Variants in NUDT21 observed in about 807,000 individuals in gnomAD.
NUDT21 encodes cleavage and polyadenylation specificity factor subunit 5.
In NUDT21, 5 loss-of-function variants were observed where a neutral mutation model predicts 29.8. The observed-to-expected ratio is 0.17, with a 90% CI of 0.09 to 0.35. The LOEUF is 0.35. Ranked by LOEUF, NUDT21 falls within the 10% of genes least tolerant of loss-of-function variation. NUDT21 has a pLI of 1.00. For missense variants in NUDT21, 76 were observed against 276.0 expected (o/e 0.28, Z 5.13); for synonymous variants, 113 against 98.5 (o/e 1.15, Z -0.87).
At chr16:56,437,604 C>T (rs184816995) in intron 4 of NUDT21, among the ~76,000 whole-genome samples, 1 of 152,200 alleles carries the variant, frequency 6.6e-6, no homozygotes, top group South Asian at 2.1e-4. Flanking sequence ...GGAGTTCATG[C>T]AACCCTTATC....
At chr16:56,447,713 A>C in intron 2 of NUDT21, 76 bp downstream of exon 2, 1 of 1,338,238 alleles carries the variant, frequency 7.5e-7, no homozygotes, top group Non-Finnish European at 1.1e-6. Flanking sequence ...ACCGAGGGCT[A>C]AAATTGTATT....
chr16:56,446,430 C>T (rs1352756227), intron 3 of NUDT21, 196 bp downstream of exon 3: 5 of 496,142 alleles, frequency 1.0e-5, no homozygotes, highest in Admixed American at 3.9e-5. Context: ...TGCTGTGACA[C>T]AGTTTAACAT....
chr16:56,435,099 T>C (rs12443600), intron 4 of NUDT21: 39,075 of 244,260 alleles, frequency 0.16, 3,313 homozygotes, highest in East Asian at 0.22. Context: ...CGATTTTAAT[T>C]AGTATCTTTA....
intron 1 of NUDT21, among the ~76,000 whole-genome samples, chr16:56,450,529 T>C (rs1300287371): frequency 1.3e-5 from 2 of 152,156 alleles, no homozygotes; most frequent in African/African-American, 4.8e-5. Flanking sequence ...GCATAAGGCA[T>C]GGGGCAGGGC....
intron 3 of NUDT21, among the ~76,000 whole-genome samples, chr16:56,444,927 T>C (rs1243592181): frequency 6.6e-6 from 1 of 152,200 alleles, no homozygotes; most frequent in Non-Finnish European, 1.5e-5. Context: ...CTCATGCCTG[T>C]AATCCCAGCA....
intron 3 of NUDT21, among the ~76,000 whole-genome samples, chr16:56,442,165 A>T (rs1962166849): frequency 6.6e-6 from 1 of 152,202 alleles, no homozygotes; most frequent in African/African-American, 2.4e-5. Flanking sequence ...TGCAGGCATG[A>T]GCCACCACAC....
At position 56,449,795 on chromosome 16, in the gene NUDT21, A is replaced by C. The variant is rs75888116; in HGVS notation, c.116+1292T>G. 1.8e-3 allele frequency among the ~76,000 whole-genome samples: 277 copies of C among 152,194 alleles called. 1 individual carries two copies. The highest frequency in any genetic ancestry group is 0.014 in the Admixed American group (216 of 15,294). On this transcript the variant is annotated intron_variant, in intron 1 of 6. Coordinates refer to ENST00000300291, the MANE Select transcript of NUDT21 (RefSeq NM_007006.3). The stretch of plus-strand genomic sequence containing the variant: ...GGATTTTTTCTTAATTTTTAAAAAA[A>C]TTTTTGTAGAGACAGCCTATGTTGC...
chr16:56,433,696 T>C (rs1962062413), intron 6 of NUDT21, among the ~76,000 whole-genome samples: 1 of 152,190 alleles, frequency 6.6e-6, no homozygotes, highest in Non-Finnish European at 1.5e-5. Flanking sequence ...CACCTTTTTT[T>C]TCTTTTTTTT....
chr16:56,445,161 G>A (rs1023706566), intron 3 of NUDT21, among the ~76,000 whole-genome samples: 1 of 152,060 alleles, frequency 6.6e-6, no homozygotes, highest in African/African-American at 2.4e-5. Context: ...TCCAGCCTGG[G>A]TGACAAGAGA....
At chr16:56,436,087 G>A (rs533922756) in intron 4 of NUDT21, among the ~76,000 whole-genome samples, 28 of 150,958 alleles carry the variant, frequency 1.9e-4, no homozygotes, top group African/African-American at 6.3e-4. Context: ...GTTGCTACCC[G>A]GGAAGGAAAA....
At chr16:56,436,558 T>C (rs564023717) in intron 4 of NUDT21, among the ~76,000 whole-genome samples, 2 of 152,320 alleles carry the variant, frequency 1.3e-5, no homozygotes, top group African/African-American at 2.4e-5. Flanking sequence ...GAAAACCAGA[T>C]ACATTAACAG....
chr16:56,441,768 T>C (rs1962162207), intron 3 of NUDT21, among the ~76,000 whole-genome samples: 1 of 152,250 alleles, frequency 6.6e-6, no homozygotes, highest in Non-Finnish European at 1.5e-5. Flanking sequence ...GTCCTATTCT[T>C]TAGTTAATAA....
intron 3 of NUDT21, among the ~76,000 whole-genome samples, chr16:56,445,465 A>G (rs1962209120): frequency 3.3e-5 from 5 of 152,230 alleles, no homozygotes; most frequent in Admixed American, 3.3e-4. Context: ...TAAATTTACA[A>G]TTAAGTGATT....
intron 3 of NUDT21, among the ~76,000 whole-genome samples, chr16:56,440,365 G>T (rs1962145880): frequency 6.6e-6 from 1 of 152,172 alleles, no homozygotes; most frequent in Non-Finnish European, 1.5e-5. Context: ...ATTATTAACT[G>T]AAGTCCATAT....
intron 6 of NUDT21, 40 bp downstream of exon 6, chr16:56,434,291 G>T: frequency 7.7e-7 from 1 of 1,307,152 alleles, no homozygotes; most frequent in Non-Finnish European, 1.1e-6. Flanking sequence ...AAATTTGACA[G>T]TTAATATGGA....
In NUDT21 at chr16:56,434,790, G is replaced by T; in HGVS notation, c.511C>A (p.His171Asn). The T allele has an allele frequency of 6.2e-7, 1 of 1,603,054 alleles. No homozygotes were observed. ...AGCTGAACCAGAAACAACTTCTTAT[G>T]TTCCTTAGGCTTTGTAATATGTGCA... is the stretch of plus-strand genomic sequence containing the variant. ...IPAHITKPKE[H>N]KKLFLVQLQE... The change falls in exon 5 of 7, where the codon CAT becomes AAT. Residue 171 changes from histidine to asparagine, a missense_variant. His to Asn is a moderately conservative substitution (Grantham distance 68, BLOSUM62 1). Around this residue, in one of 5 missense-constraint regions of NUDT21, gnomAD observed 13 missense variants for 16.6 expected, o/e 0.79. Transcript: ENST00000300291.
intron 5 of NUDT21, 141 bp downstream of exon 5, chr16:56,434,613 A>C (rs1224966775): frequency 9.0e-6 from 7 of 777,338 alleles, no homozygotes; most frequent in African/African-American, 1.8e-5. Flanking sequence ...CACAGATTTG[A>C]AACTAAAAGC....
Position 56,434,783 on chromosome 16 carries a change from T to G in NUDT21, c.518A>C (p.Lys173Thr). The part of the protein sequence containing the change: ...AHITKPKEHK[K>T]LFLVQLQEKA... ...TTCTTGAAGCTGAACCAGAAACAAC[T>G]TCTTATGTTCCTTAGGCTTTGTAAT... is the stretch of plus-strand genomic sequence containing the variant. Residue 173 changes from lysine to threonine, a missense_variant, in exon 5 of 7, where the codon AAG becomes ACG. By Grantham distance (78) the Lys-to-Thr change is moderately conservative (BLOSUM62 -1). This residue lies in a region of NUDT21 where 13 missense variants were observed against 16.6 expected (regional missense o/e 0.79). Coordinates refer to ENST00000300291, the MANE Select transcript of NUDT21 (RefSeq NM_007006.3). 6.2e-7 allele frequency: 1 copy of G among 1,603,580 alleles called. No homozygotes were observed. The highest frequency in any genetic ancestry group is 8.5e-7 in the Non-Finnish European group (1 of 1,171,722).
intron 4 of NUDT21, among the ~76,000 whole-genome samples, chr16:56,435,371 C>G (rs1459362982): frequency 6.6e-6 from 1 of 152,034 alleles, no homozygotes; most frequent in African/African-American, 2.4e-5. Flanking sequence ...GCTCTGGCCT[C>G]CCAAAGTGCT....
Sources: gnomAD v4.1 joint callset for allele counts (sites outside exome capture counted in the v4.1 genomes callset) on GRCh38, gnomAD v4.1.1 for gene constraint, gnomAD v4.1.1 regional missense constraint, MANE v1.5 for transcripts, NCBI Gene and HGNC (gene_info 2026-07-23, HGNC 2026-07-21) for gene names.